The following FOCAD variants were observed in gnomAD, a reference collection of about 807,000 sequenced individuals.
FOCAD encodes the protein KIAA1797.
FOCAD carries 198 observed loss-of-function variants against 225.6 expected under a neutral mutation model. The ratio of observed to expected loss-of-function variants is 0.88; its 90% CI spans 0.78 to 0.99. The LOEUF is 0.99. FOCAD is among the 50% of genes least tolerant of loss of function. FOCAD has a pLI of 0.00. For synonymous variants in FOCAD, 897 were observed against 755.0 expected, an observed-to-expected ratio of 1.19 and a Z score of -3.08; for missense variants, 2,713 against 2,123.6, an observed-to-expected ratio of 1.28 and a Z score of -5.46.
At chr9:20,743,219 G>A (rs1420855555) in intron 5 of FOCAD, among the ~76,000 whole-genome samples, 1 of 152,222 alleles carries the variant, frequency 6.6e-6, no homozygotes, top group Non-Finnish European at 1.5e-5. Flanking sequence ...AGGGATATGA[G>A]AAACTTAGAA....
intron 2 of FOCAD, among the ~76,000 whole-genome samples, chr9:20,659,321 C>T (rs551902081): frequency 4.8e-4 from 71 of 148,510 alleles, no homozygotes; most frequent in South Asian, 1.7e-3. Flanking sequence ...GCATGAGAAT[C>T]GCCTGAACAT....
chr9:20,689,544 A>G (rs1563878405), intron 1 of FOCAD, among the ~76,000 whole-genome samples: 1 of 152,144 alleles, frequency 6.6e-6, no homozygotes, highest in Non-Finnish European at 1.5e-5. Context: ...GGGCCACCAA[A>G]GAAGGGGAGT....
chr9:20,962,419 CAT>C (rs147784391), intron 35 of FOCAD, among the ~76,000 whole-genome samples: 4 of 147,098 alleles, frequency 2.7e-5, no homozygotes, highest in African/African-American at 1.0e-4. Context: ...TACACACACA[CAT>C]ACATACATAC....
intron 6 of FOCAD, among the ~76,000 whole-genome samples, chr9:20,760,153 G>C (rs1225513625): frequency 1.3e-5 from 2 of 152,180 alleles, no homozygotes; most frequent in African/African-American, 2.4e-5. Flanking sequence ...GATATATCAA[G>C]AGAGCAGATC....
intron 19 of FOCAD, among the ~76,000 whole-genome samples, chr9:20,880,027 A>G (rs1404389405): frequency 6.6e-6 from 1 of 152,198 alleles, no homozygotes; most frequent in African/African-American, 2.4e-5. Flanking sequence ...TGTAAAGTCT[A>G]TAATTATACC....
chr9:20,816,544 C>G (rs1483397586), intron 11 of FOCAD, among the ~76,000 whole-genome samples: 1 of 151,706 alleles, frequency 6.6e-6, no homozygotes, highest in Non-Finnish European at 1.5e-5. Context: ...CCACATGCTG[C>G]TGTGGTATAT....
chr9:20,968,689 T>G (rs1304433575), intron 35 of FOCAD, among the ~76,000 whole-genome samples: 1 of 152,034 alleles, frequency 6.6e-6, no homozygotes, highest in Non-Finnish European at 1.5e-5. Context: ...TCTGCCCACC[T>G]CGGCCTCCCA....
At chr9:20,688,051 T>TA (rs1822767736) in intron 1 of FOCAD, among the ~76,000 whole-genome samples, 1 of 152,168 alleles carries the variant, frequency 6.6e-6, no homozygotes, top group South Asian at 2.1e-4. Flanking sequence ...CTTAATGTGT[T>TA]AAGATAGAGA....
At chr9:20,702,327 C>A (rs1317129375) in intron 1 of FOCAD, among the ~76,000 whole-genome samples, 1 of 152,068 alleles carries the variant, frequency 6.6e-6, no homozygotes, top group Non-Finnish European at 1.5e-5. Context: ...TGATTTCGAA[C>A]CCCTGGCCTC....
intron 15 of FOCAD, among the ~76,000 whole-genome samples, chr9:20,852,649 A>T (rs140881019): frequency 2.9e-4 from 44 of 151,890 alleles, no homozygotes; most frequent in African/African-American, 1.0e-3. Context: ...TTTTTCTCTA[A>T]AGTGGTCTTA....
At chr9:20,849,031 A>G (rs1827392554) in intron 15 of FOCAD, among the ~76,000 whole-genome samples, 1 of 152,048 alleles carries the variant, frequency 6.6e-6, no homozygotes, top group African/African-American at 2.4e-5. Context: ...CTCTCAGTTC[A>G]TAATAGGCAA....
intron 2 of FOCAD, among the ~76,000 whole-genome samples, chr9:20,670,597 A>G (rs894579470): frequency 2.0e-5 from 3 of 152,096 alleles, no homozygotes; most frequent in Non-Finnish European, 4.4e-5. Flanking sequence ...GGGGGAAACC[A>G]CCACCCTCAT....
At chr9:20,718,252 C>T (rs866212727) in intron 3 of FOCAD, among the ~76,000 whole-genome samples, 1 of 152,210 alleles carries the variant, frequency 6.6e-6, no homozygotes, top group Non-Finnish European at 1.5e-5. Context: ...GTAGATTTCT[C>T]ATGCTTCAGC....
chr9:20,946,614 G>C lies in FOCAD; in HGVS notation c.3556-87G>C, dbSNP rs78419596. 2.7e-3 allele frequency: 3,753 copies of C among 1,413,290 alleles called. 104 individuals are homozygous for C. In the East Asian group the frequency reaches 0.056, roughly 21 times the overall value. 87.5% of individuals were successfully genotyped at this position (1,413,290 alleles called of 1,614,324 possible). On this transcript the variant is annotated intron_variant, in intron 29 of 43. Coordinates refer to ENST00000338382, the MANE Select transcript of FOCAD (RefSeq NM_001375567.1). Reference sequence around the variant, plus strand: ...TGAATCCAATTCTTACTCTGGGGGGGAGTTTGACAGAATATCTTGTCAACT... The same window carrying C: ...TGAATCCAATTCTTACTCTGGGGGGCAGTTTGACAGAATATCTTGTCAACT...
In FOCAD at chr9:20,813,065, T is replaced by C. The variant is rs182384475; in HGVS notation, c.1456-6731T>C. On this transcript the variant is annotated intron_variant, in intron 11 of 43. Coordinates refer to ENST00000338382, the MANE Select transcript of FOCAD (RefSeq NM_001375567.1). Reference sequence around the variant, plus strand: ...GTCTGGCAACCACCATTCTACTTTCTGCTCTAAGAGTTTGACCACTTTAGA... The same window carrying C: ...GTCTGGCAACCACCATTCTACTTTCCGCTCTAAGAGTTTGACCACTTTAGA... Among the ~76,000 whole-genome samples, 9 of 152,280 alleles carry C rather than the reference T, an allele frequency of 5.9e-5. 1 individual carries two copies. In the East Asian group the frequency reaches 1.5e-3, roughly 26 times the overall value.
chr9:20,861,043 A>G (rs908646823), intron 15 of FOCAD, among the ~76,000 whole-genome samples: 3 of 151,920 alleles, frequency 2.0e-5, no homozygotes, highest in African/African-American at 4.8e-5. Context: ...ATTTCTGTTC[A>G]TTCTTTCTTC....
intron 21 of FOCAD, among the ~76,000 whole-genome samples, chr9:20,900,066 T>C (rs1832431647): frequency 6.6e-6 from 1 of 151,962 alleles, no homozygotes; most frequent in African/African-American, 2.4e-5. Context: ...TGAGGTTTAC[T>C]TGACTCCTGT....
At chr9:20,829,370 A>C (rs1406411147) in intron 15 of FOCAD, among the ~76,000 whole-genome samples, 1 of 151,696 alleles carries the variant, frequency 6.6e-6, no homozygotes, top group Non-Finnish European at 1.5e-5. Context: ...TTTGATTTGC[A>C]TTTCTCTGAT....
rs993136369 is a variant in FOCAD, at chr9:20,877,277, G to T, written c.2317+2470G>T. 5.9e-5 allele frequency among the ~76,000 whole-genome samples: 9 copies of T among 152,204 alleles called. 1 individual carries two copies. The South Asian group carries it at 1.9e-3, about 32-fold the overall frequency. On this transcript the variant is annotated intron_variant, in intron 19 of 43. Coordinates refer to ENST00000338382, the MANE Select transcript of FOCAD (RefSeq NM_001375567.1). ...CCCGAATAGCATAATTGTAATTGCC[G>T]AAATCCTGAAAGATTAAAATATCTA...
Sources: allele counts gnomAD v4.1 joint callset (sites outside exome capture counted in the v4.1 genomes callset), GRCh38; gene constraint gnomAD v4.1.1; transcripts MANE v1.5; gene names NCBI Gene and HGNC (gene_info 2026-07-23, HGNC 2026-07-21).